Variants in RHCE observed in about 807,000 individuals in gnomAD.
RHCE encodes the protein blood group Rh(CE) polypeptide.
A neutral mutation model predicts 43.8 loss-of-function variants in RHCE; 22 were observed. The ratio of observed to expected loss-of-function variants is 0.50; its 90% confidence interval spans 0.36 to 0.72. RHCE has a LOEUF of 0.72. Ranked by LOEUF, RHCE falls within the 30% of genes least tolerant of loss-of-function variation. The probability of loss-of-function intolerance (pLI) is 0.00; values close to 1 mark genes in which losing one functional copy is unlikely to be tolerated. For missense variants in RHCE, 385 were observed against 525.4 expected (o/e 0.73, Z 2.61); for synonymous variants, 156 against 210.7 (o/e 0.74, Z 2.25).
rs375909066 is a variant in RHCE at position 25,385,748 on chromosome 1, G to A, written c.1036C>T (p.Leu346=). The change falls in exon 7 of 10, where the codon CTG becomes TTG. Residue 346 remains leucine, a synonymous_variant. Transcript: ENST00000294413. ...GLLGEITYIV[L]LVLHTVWNGN... is the part of the protein sequence containing the mutation. Reference sequence around the variant, plus strand: ...TTCCAGACAGTATGAAGCACCAGCAGCACAATGTAGGTGATCTCTCCAAGC... The same window carrying A: ...TTCCAGACAGTATGAAGCACCAGCAACACAATGTAGGTGATCTCTCCAAGC... 6.2e-7 allele frequency: 1 copy of A among 1,613,876 alleles called. No individual in the cohort carries two copies. The highest frequency in any genetic ancestry group is 1.3e-5 in the African/African-American group (1 of 74,870).
intron 1 of RHCE, among the ~76,000 whole-genome samples, chr1:25,413,067 G>T (rs1647146647): frequency 6.6e-6 from 1 of 152,096 alleles, no homozygotes; most frequent in Non-Finnish European, 1.5e-5. Flanking sequence ...CTGGGTGGGG[G>T]CTTTATCGGG....
At chr1:25,386,746 C>T (rs1256485683) in intron 6 of RHCE, among the ~76,000 whole-genome samples, 6 of 152,052 alleles carry the variant, frequency 3.9e-5, no homozygotes, top group Admixed American at 6.6e-5. Flanking sequence ...GGTGTGAACC[C>T]GGGAGGCAGA....
At chr1:25,389,686 C>T (rs1283007205) in intron 5 of RHCE, among the ~76,000 whole-genome samples, 2 of 152,118 alleles carry the variant, frequency 1.3e-5, no homozygotes, top group Non-Finnish European at 2.9e-5. Context: ...TGAATAAATG[C>T]CCAATAGACA....
intron 2 of RHCE, among the ~76,000 whole-genome samples, chr1:25,403,759 C>G (rs1239091674): frequency 2.0e-5 from 3 of 151,514 alleles, no homozygotes; most frequent in Non-Finnish European, 4.4e-5. Context: ...AGACTCCCTC[C>G]TCCCTCTGGG....
intron 2 of RHCE, among the ~76,000 whole-genome samples, chr1:25,403,376 A>T (rs1294347555): frequency 6.6e-6 from 1 of 152,036 alleles, no homozygotes; most frequent in African/African-American, 2.4e-5. Flanking sequence ...GATGTGAAGG[A>T]GTATTCTTCC....
rs59693967 is a variant in RHCE at position 25,405,034 on chromosome 1, C to CAA, written c.336-2290_336-2289dup. ...AGTGAGACTCCATCTCTACAAAAAG[C>CAA]AAAAAAAAAAAAAAAAAAGCTAGGC... On this transcript the variant is annotated intron_variant, in intron 2 of 9. Coordinates refer to ENST00000294413, the MANE Select transcript of RHCE (RefSeq NM_020485.8). 7.8e-4 allele frequency among the ~76,000 whole-genome samples: 60 copies of CAA among 76,882 alleles called. 1 individual carries two copies. The highest frequency in any genetic ancestry group is 2.4e-3 in the African/African-American group (53 of 22,534). The allele number at this position is 76,882 out of a possible 152,430, so 50.4% of individuals were successfully genotyped here.
Position 25,390,889 on chromosome 1 carries a change from G to A in RHCE, c.661C>T (p.Pro221Ser), listed in dbSNP as rs765607637. The A allele has an allele frequency of 1.9e-6, 3 of 1,614,174 alleles. No homozygotes were observed. Residue 221 changes from proline to serine, a missense_variant, in exon 5 of 10, where the codon CCA becomes TCA. Coordinates refer to ENST00000294413, the MANE Select transcript of RHCE (RefSeq NM_020485.8). Reference sequence around the variant, plus strand: ...CTCAGCAGAGCAGAGTTGACACTTGGCCAGAACATCCACAAGAAGAGGGCG... The same window carrying A: ...CTCAGCAGAGCAGAGTTGACACTTGACCAGAACATCCACAAGAAGAGGGCG... ...LGALFLWMFWPSVNSALLRSP... is the reference protein window; with the variant it reads ...LGALFLWMFWSSVNSALLRSP...
At position 25,385,777 on chromosome 1, in the gene RHCE, C is replaced by T. The variant is rs760319839; in HGVS notation, c.1007G>A (p.Gly336Asp). 1.2e-6 allele frequency: 2 copies of T among 1,613,810 alleles called. No homozygotes were observed. The highest frequency in any genetic ancestry group is 4.5e-5 in the East Asian group (2 of 44,844). ...SVMHSIFSLL[G>D]LLGEITYIVL... ...AATGTAGGTGATCTCTCCAAGCAGA[C>T]CCAGCAAGCTGAAGATGGAGTGCAT... Residue 336 changes from glycine to aspartate, a missense_variant, in exon 7 of 10, where the codon GGT (glycine) becomes GAT (aspartate). By Grantham distance (94) the Gly-to-Asp change is moderately conservative. This residue lies in a region of RHCE where 82 missense variants were observed against 69.2 expected (regional missense o/e 1.18). Transcript: ENST00000294413.
chr1:25,379,066 G>C (rs896141818), intron 7 of RHCE, among the ~76,000 whole-genome samples: 1 of 152,044 alleles, frequency 6.6e-6, no homozygotes, highest in African/African-American at 2.4e-5. Context: ...CCACAGAATG[G>C]GTAATTTATA....
chr1:25,388,608 G>A (rs1217937447), intron 6 of RHCE, among the ~76,000 whole-genome samples: 1 of 152,126 alleles, frequency 6.6e-6, no homozygotes, highest in Non-Finnish European at 1.5e-5. Flanking sequence ...TGAAAGAGGA[G>A]GAAGCAGGTC....
intron 5 of RHCE, among the ~76,000 whole-genome samples, chr1:25,389,904 C>T (rs2375324): frequency 1.2e-4 from 18 of 152,240 alleles, no homozygotes; most frequent in Admixed American, 2.6e-4. Flanking sequence ...CTTCCCTGAG[C>T]TGACACCCAC....
upstream of RHCE, chr1:25,420,968 G>A (rs536482729): frequency 6.2e-4 from 612 of 987,678 alleles, 2 homozygotes; most frequent in Middle Eastern, 1.3e-3. Flanking sequence ...GACTATGATG[G>A]GGAGGGGAGG....
At chr1:25,382,265 A>G (rs1289620104) in intron 7 of RHCE, among the ~76,000 whole-genome samples, 1 of 148,520 alleles carries the variant, frequency 6.7e-6, no homozygotes, top group African/African-American at 2.6e-5. Flanking sequence ...TCAAACCATC[A>G]CATATATAAT....
At chr1:25,375,981 G>C (rs1221781075) in intron 7 of RHCE, among the ~76,000 whole-genome samples, 1 of 151,704 alleles carries the variant, frequency 6.6e-6, no homozygotes, top group Admixed American at 6.6e-5. Flanking sequence ...AATAGAGACG[G>C]GGTTTCACCA....
At chr1:25,395,633 G>A (rs1303471422) in intron 3 of RHCE, among the ~76,000 whole-genome samples, 2 of 151,970 alleles carry the variant, frequency 1.3e-5, no homozygotes, top group Non-Finnish European at 2.9e-5. Context: ...TTCTTCCTGG[G>A]AATCAGGGAG....
intron 3 of RHCE, among the ~76,000 whole-genome samples, chr1:25,392,486 C>T (rs1000477126): frequency 2.0e-5 from 3 of 151,928 alleles, no homozygotes; most frequent in Non-Finnish European, 2.9e-5. Flanking sequence ...GTCTCAAACT[C>T]CTGACCTCAG....
At chr1:25,376,094 C>T (rs1645778355) in intron 7 of RHCE, among the ~76,000 whole-genome samples, 1 of 151,926 alleles carries the variant, frequency 6.6e-6, no homozygotes. Flanking sequence ...TCTGGCCAGC[C>T]CCAGTTTTCT....
intron 1 of RHCE, among the ~76,000 whole-genome samples, chr1:25,411,703 A>G (rs368559593): frequency 6.6e-5 from 10 of 151,622 alleles, no homozygotes; most frequent in South Asian, 4.2e-4. Context: ...GGGGTGTGTG[A>G]CCAGGGGACA....
chr1:25,410,635 T>G (rs900364325), intron 1 of RHCE, among the ~76,000 whole-genome samples: 1 of 151,744 alleles, frequency 6.6e-6, no homozygotes, highest in African/African-American at 2.4e-5. Flanking sequence ...CCTGACCTCA[T>G]GTAATCCACC....
Sources: allele counts gnomAD v4.1 joint callset (sites outside exome capture counted in the v4.1 genomes callset), GRCh38; gene constraint gnomAD v4.1.1; regional missense constraint gnomAD v4.1.1; transcripts MANE v1.5; gene names NCBI Gene and HGNC (gene_info 2026-07-23, HGNC 2026-07-21).